UNC13C: variants seen among roughly 807,000 people sequenced by gnomAD.
UNC13C encodes unc-13 homolog C, also known as protein unc-13 homolog C.
Under a neutral mutation model 245.4 loss-of-function variants are expected in UNC13C, and 174 were observed. The ratio of observed to expected loss-of-function variants is 0.71; its 90% CI spans 0.63 to 0.80. UNC13C has a LOEUF of 0.80. UNC13C is among the 30% of genes least tolerant of loss of function. The probability of loss-of-function intolerance (pLI) is 0.00; values close to 1 mark genes in which losing one functional copy is unlikely to be tolerated. For synonymous variants in UNC13C, 992 were observed against 895.1 expected, an observed-to-expected ratio of 1.11 and a Z score of -1.93; for missense variants, 2,829 against 2,602.9, an observed-to-expected ratio of 1.09 and a Z score of -1.89.
chr15:53,946,392 T>G, the UNC13C span, among the ~76,000 whole-genome samples: 2 of 152,022 alleles, frequency 1.3e-5, 1 homozygote, highest in South Asian at 4.2e-4. Flanking sequence ...CCTAGATGGC[T>G]CTTATGATTT....
At chr15:54,113,844 T>G (rs1398416434) in intron 2 of UNC13C, among the ~76,000 whole-genome samples, 1 of 151,978 alleles carries the variant, frequency 6.6e-6, no homozygotes, top group Non-Finnish European at 1.5e-5. Context: ...AAAGAAAAAT[T>G]TAAAAACCTT....
chr15:54,014,771 A>G lies in UNC13C; in HGVS notation c.1868A>G (p.Glu623Gly). ...IQGQTETENTETVDSGMSNGM... is the reference protein window; with the variant it reads ...IQGQTETENTGTVDSGMSNGM... ...GGGCAGACTGAAACTGAAAACACAGAAACTGTGGATAGTGGAATGAGTAAT... is the reference window on the plus strand; with the variant it reads ...GGGCAGACTGAAACTGAAAACACAGGAACTGTGGATAGTGGAATGAGTAAT... Residue 623 changes from glutamate (E) to glycine (G), a missense_variant, in exon 2 of 33, where the codon GAA becomes GGA. Coordinates refer to ENST00000260323, the MANE Select transcript of UNC13C (RefSeq NM_001080534.3). 2 of 1,613,852 alleles carry G rather than the reference A, an allele frequency of 1.2e-6. No individual in the cohort carries two copies. The highest frequency in any genetic ancestry group is 2.2e-5 in the South Asian group (2 of 91,076).
At chr15:53,938,527 G>A in the UNC13C span, among the ~76,000 whole-genome samples, 1 of 152,102 alleles carries the variant, frequency 6.6e-6, no homozygotes, top group East Asian at 1.9e-4. Flanking sequence ...TATCTGCAGA[G>A]CTGTCCACCC....
intron 11 of UNC13C, among the ~76,000 whole-genome samples, chr15:54,296,535 A>G (rs1046885265): frequency 2.1e-4 from 32 of 151,998 alleles, no homozygotes; most frequent in African/African-American, 7.5e-4. Flanking sequence ...GAATTTTAAT[A>G]TTTCTTGAGA....
At chr15:53,853,053 G>A in the UNC13C span, among the ~76,000 whole-genome samples, 1 of 151,622 alleles carries the variant, frequency 6.6e-6, no homozygotes, top group African/African-American at 2.4e-5. Flanking sequence ...TACATGTGTA[G>A]GATGTGCAGG....
At chr15:54,047,510 T>C (rs1004990085) in intron 2 of UNC13C, among the ~76,000 whole-genome samples, 1 of 152,134 alleles carries the variant, frequency 6.6e-6, no homozygotes, top group African/African-American at 2.4e-5. Flanking sequence ...TCATAATTGA[T>C]CTTTTGTGTC....
chr15:54,126,489 A>G (rs1372311391), intron 2 of UNC13C, among the ~76,000 whole-genome samples: 1 of 152,178 alleles, frequency 6.6e-6, no homozygotes, highest in Non-Finnish European at 1.5e-5. Flanking sequence ...GCTGACACAA[A>G]GGAAAAACAA....
At chr15:54,515,369 A>G (rs532274503) in intron 24 of UNC13C, among the ~76,000 whole-genome samples, 3 of 152,220 alleles carry the variant, frequency 2.0e-5, no homozygotes, top group Non-Finnish European at 4.4e-5. Flanking sequence ...GTGAGTGATT[A>G]CGTTAGGTTA....
At chr15:54,257,192 GA>G (rs1245878691) in intron 8 of UNC13C, among the ~76,000 whole-genome samples, 1 of 152,132 alleles carries the variant, frequency 6.6e-6, no homozygotes, top group East Asian at 1.9e-4. Context: ...GTGATACAAA[GA>G]AAAATATCTT....
At chr15:53,979,712 T>C (rs1388154418) in intron 1 of UNC13C, among the ~76,000 whole-genome samples, 3 of 152,168 alleles carry the variant, frequency 2.0e-5, no homozygotes, top group Non-Finnish European at 4.4e-5. Flanking sequence ...GTTAGGCTTT[T>C]AAGGAAAAAC....
chr15:54,057,618 A>T (rs1461167756), intron 2 of UNC13C, among the ~76,000 whole-genome samples: 1 of 152,202 alleles, frequency 6.6e-6, no homozygotes. Context: ...GACCTAATAG[A>T]CATCTACAGA....
chr15:54,509,248 G>A (rs780384445), intron 23 of UNC13C, among the ~76,000 whole-genome samples: 22 of 152,024 alleles, frequency 1.4e-4, no homozygotes, highest in Admixed American at 5.9e-4. Flanking sequence ...TGAGTTCTCC[G>A]GGTTCAGAAT....
chr15:53,962,700 C>A, the UNC13C span, among the ~76,000 whole-genome samples: 3 of 152,182 alleles, frequency 2.0e-5, no homozygotes, highest in Admixed American at 2.0e-4. Context: ...AAAATGAATA[C>A]TGCATTATTA....
the UNC13C span, among the ~76,000 whole-genome samples, chr15:53,880,577 G>C: frequency 6.6e-6 from 1 of 152,074 alleles, no homozygotes; most frequent in Admixed American, 6.6e-5. Context: ...CAGCTCTCTC[G>C]GGACCAAATC....
Position 54,507,176 on chromosome 15 carries a change from T to C in UNC13C, c.5361T>C (p.His1787=), listed in dbSNP as rs764140159. Residue 1787 remains histidine, a synonymous_variant, in exon 23 of 33, where the codon CAT becomes CAC. Transcript: ENST00000260323. ...TTGTATCAAGTGATTTCAGTTCACA[T>C]TGTGATAAGGAAAATGTGGTAAGTA... ...AAIVSSDFSS[H]CDKENVPCIL... is the part of the protein sequence containing the mutation. The C allele has an allele frequency of 5.6e-6, 9 of 1,593,682 alleles. No homozygotes were observed. In the Admixed American group the frequency reaches 1.2e-4, roughly 22 times the overall value.
At chr15:54,613,056 C>A (rs1409390397) in intron 30 of UNC13C, among the ~76,000 whole-genome samples, 1 of 151,666 alleles carries the variant, frequency 6.6e-6, no homozygotes, top group Admixed American at 6.6e-5. Context: ...CAAGAGACTT[C>A]TAAACAATTT....
intron 19 of UNC13C, among the ~76,000 whole-genome samples, chr15:54,418,508 C>G (rs891501175): frequency 6.1e-4 from 92 of 152,018 alleles, no homozygotes; most frequent in Non-Finnish European, 2.5e-4. Context: ...TCTGCCCTGC[C>G]CCTTCTTTAT....
At chr15:54,376,505 G>T (rs1371548744) in intron 17 of UNC13C, among the ~76,000 whole-genome samples, 1 of 152,042 alleles carries the variant, frequency 6.6e-6, no homozygotes, top group Non-Finnish European at 1.5e-5. Context: ...ACTCAAATAT[G>T]AGTAACAAGT....
At chr15:54,305,999 A>T (rs528784995) in intron 13 of UNC13C, among the ~76,000 whole-genome samples, 11 of 152,140 alleles carry the variant, frequency 7.2e-5, no homozygotes, top group Admixed American at 2.6e-4. Flanking sequence ...GGATTTGGAG[A>T]ATAAATAAAT....
Sources: allele counts gnomAD v4.1 joint callset (sites outside exome capture counted in the v4.1 genomes callset), GRCh38; gene constraint gnomAD v4.1.1; transcripts MANE v1.5; gene names NCBI Gene and HGNC (gene_info 2026-07-23, HGNC 2026-07-21).